Variants in TRMO observed in about 807,000 individuals in gnomAD.
The protein encoded by TRMO is tRNA (adenine(37)-N6)-methyltransferase.
A neutral mutation model predicts 37.2 loss-of-function variants in TRMO; 30 were observed. The ratio of observed to expected loss-of-function variants is 0.81; its 90% CI spans 0.60 to 1.09. The LOEUF (loss-of-function observed/expected upper bound fraction) is 1.09. Ranked by LOEUF, TRMO falls within the 50% of genes least tolerant of loss-of-function variation. The probability of loss-of-function intolerance (pLI) is 0.00; values close to 1 mark genes in which losing one functional copy is unlikely to be tolerated. For synonymous variants in TRMO, 239 were observed against 199.4 expected (o/e 1.20, Z -1.67); for missense variants, 552 against 549.5 (o/e 1.00, Z -0.05).
At chr9:97,898,467 G>C in the TRMO span, among the ~76,000 whole-genome samples, 8 of 152,030 alleles carry the variant, frequency 5.3e-5, no homozygotes, top group Non-Finnish European at 1.2e-4. Context: ...ACCCCACTGA[G>C]TAGCTGGGAC....
downstream of TRMO, among the ~76,000 whole-genome samples, chr9:97,900,153 C>T (rs542092549): frequency 6.6e-6 from 1 of 152,110 alleles, no homozygotes; most frequent in Admixed American, 6.6e-5. Context: ...GCCAGGTAAG[C>T]CAGAACAGAG....
At chr9:97,899,036 C>G in the TRMO span, among the ~76,000 whole-genome samples, 4 of 151,668 alleles carry the variant, frequency 2.6e-5, no homozygotes, top group Non-Finnish European at 4.4e-5. Context: ...GACGGGGTTT[C>G]ACCACGTTAG....
rs911760458 is a variant in TRMO at position 97,913,625 on chromosome 9, T to A, written c.252-67A>T. The stretch of plus-strand genomic sequence containing the variant: ...AGCACAAGTTATTTTACCACAATGA[T>A]CTGATGGGGAAAAAAATGCAATCTC... On this transcript the variant is annotated intron_variant, in intron 2 of 4. Coordinates refer to ENST00000375119, the MANE Select transcript of TRMO (RefSeq NM_016481.5). The A allele has an allele frequency of 2.5e-5, 27 of 1,076,244 alleles. No homozygotes were observed. In the Admixed American group the frequency reaches 5.8e-4, roughly 23 times the overall value. The allele number at this position is 1,076,244 out of a possible 1,614,324, so 66.7% of individuals were successfully genotyped here. A position where few individuals can be genotyped will look rare whatever the true frequency, so the allele number is the denominator to read the frequency against.
rs190841159 is a variant in TRMO at position 97,910,554 on chromosome 9, G to A, written c.472C>T (p.Pro158Ser). ...IHGTPVLDIK[P>S]YIAEYDSPQN... is the part of the protein sequence containing the mutation. The stretch of plus-strand genomic sequence containing the variant: ...GGTGAGTCATACTCAGCTATGTAGG[G>A]CTTGATGTCTAGTACGGGTGTGCCA... Residue 158 changes from proline (P) to serine (S), a missense_variant, in exon 4 of 5, where the codon CCC becomes TCC. By Grantham distance (74) the Pro-to-Ser change is moderately conservative. Coordinates refer to ENST00000375119, the MANE Select transcript of TRMO (RefSeq NM_016481.5). 1 of 1,614,120 alleles carries A rather than the reference G, an allele frequency of 6.2e-7. No homozygotes were observed. Among genetic ancestry groups the A allele is most frequent in the East Asian group, 2.2e-5 (1 of 44,886 alleles).
At chr9:97,903,506 A>C (rs1228195885), downstream of TRMO, among the ~76,000 whole-genome samples, 1 of 152,220 alleles carries the variant, frequency 6.6e-6, no homozygotes, top group African/African-American at 2.4e-5. Flanking sequence ...AGCATGTATC[A>C]TGTTGACAGG....
intron 1 of TRMO, among the ~76,000 whole-genome samples, chr9:97,919,418 AGAAAG>A (rs960263810): frequency 7.9e-4 from 118 of 150,234 alleles, no homozygotes; most frequent in African/African-American, 2.5e-3. Context: ...AGGAAAGAAA[AGAAAG>A]GAAAGGGAGG....
At chr9:97,899,402 A>G in the TRMO span, among the ~76,000 whole-genome samples, 4 of 150,762 alleles carry the variant, frequency 2.7e-5, no homozygotes, top group African/African-American at 7.4e-5. Context: ...ATTGCTTGGT[A>G]AAAATAGTCA....
At chr9:97,918,792 T>C (rs192209524) in intron 1 of TRMO, among the ~76,000 whole-genome samples, 3 of 152,214 alleles carry the variant, frequency 2.0e-5, no homozygotes, top group Non-Finnish European at 4.4e-5. Context: ...ACTAGAGCGT[T>C]ACTAACGACT....
In TRMO at chr9:97,910,207, T is replaced by C. The variant is rs879026763; in HGVS notation, c.819A>G (p.Pro273=). 6.2e-7 allele frequency: 1 copy of C among 1,614,258 alleles called. No individual in the cohort carries two copies. Among genetic ancestry groups the C allele is most frequent in the Non-Finnish European group, 8.5e-7 (1 of 1,180,040 alleles). The change falls in exon 4 of 5, where the codon CCA becomes CCG. Residue 273 remains proline (P), a synonymous_variant. Coordinates refer to ENST00000375119, the MANE Select transcript of TRMO (RefSeq NM_016481.5). ...CTGAAAAGCTCTTCTCTGGGCAATA[T>C]GGGCCAATTTGTTCTTCTGCCACGC... ...SSSVAEEQIG[P]YCPEKSFSEK...
intron 1 of TRMO, among the ~76,000 whole-genome samples, chr9:97,918,502 T>C (rs934538251): frequency 3.9e-5 from 6 of 152,214 alleles, no homozygotes; most frequent in East Asian, 1.9e-4. Context: ...TTTGAATTTA[T>C]TGATAACTTT....
At chr9:97,919,349 T>C (rs1463702426) in intron 1 of TRMO, among the ~76,000 whole-genome samples, 1 of 133,200 alleles carries the variant, frequency 7.5e-6, no homozygotes, top group Non-Finnish European at 1.5e-5. Flanking sequence ...TTAGCTCTGC[T>C]CCACAAAGAG....
intron 3 of TRMO, chr9:97,912,986 G>A (rs1490384317): frequency 8.3e-7 from 1 of 1,207,048 alleles, no homozygotes; most frequent in Non-Finnish European, 1.1e-6. Flanking sequence ...CTGCAAGGAA[G>A]GAATGATATA....
chr9:97,905,836 C>G (rs991570592), intron 4 of TRMO, among the ~76,000 whole-genome samples: 1 of 152,080 alleles, frequency 6.6e-6, no homozygotes, highest in African/African-American at 2.4e-5. Flanking sequence ...GTAAATAAAG[C>G]CATGAAGTAC....
At chr9:97,919,309 G>A (rs996401444) in intron 1 of TRMO, among the ~76,000 whole-genome samples, 18 of 151,400 alleles carry the variant, frequency 1.2e-4, no homozygotes, top group African/African-American at 4.4e-4. Flanking sequence ...AACATTTTCT[G>A]GCTGATACTC....
chr9:97,908,122 T>G (rs1454255339), intron 4 of TRMO, among the ~76,000 whole-genome samples: 1 of 151,528 alleles, frequency 6.6e-6, no homozygotes, highest in Non-Finnish European at 1.5e-5. Context: ...TCTTTAAAAA[T>G]TCAAAATAGG....
At chr9:97,901,710 C>A (rs1363521781), downstream of TRMO, among the ~76,000 whole-genome samples, 2 of 150,556 alleles carry the variant, frequency 1.3e-5, no homozygotes, top group Non-Finnish European at 2.9e-5. Flanking sequence ...ATATTTAATT[C>A]TCTGGGTTCG....
intron 1 of TRMO, among the ~76,000 whole-genome samples, chr9:97,918,778 A>C (rs1333387737): frequency 6.6e-6 from 1 of 152,188 alleles, no homozygotes; most frequent in Admixed American, 6.5e-5. Flanking sequence ...CACCCATCCC[A>C]AAAACTAGAG....
chr9:97,909,760 G>C (rs537845212), intron 4 of TRMO, among the ~76,000 whole-genome samples, 200 bp downstream of exon 4: 1 of 152,264 alleles, frequency 6.6e-6, no homozygotes, highest in Admixed American at 6.5e-5. Context: ...CTGACAGCCT[G>C]GAACTAACTG....
chr9:97,915,365 T>G (rs995901566), intron 2 of TRMO, among the ~76,000 whole-genome samples: 2 of 152,194 alleles, frequency 1.3e-5, no homozygotes, highest in Non-Finnish European at 2.9e-5. Context: ...GGCCAACCAG[T>G]CACTATAGAG....
Sources: allele counts gnomAD v4.1 joint callset (sites outside exome capture counted in the v4.1 genomes callset), GRCh38; gene constraint gnomAD v4.1.1; transcripts MANE v1.5; gene names NCBI Gene and HGNC (gene_info 2026-07-23, HGNC 2026-07-21).